The following MAPRE1 variants were observed in gnomAD, a reference collection of about 807,000 sequenced individuals.
The protein encoded by MAPRE1 is microtubule-associated protein RP/EB family member 1.
Under a neutral mutation model 32.1 loss-of-function variants are expected in MAPRE1, and 5 were observed. The observed-to-expected ratio is 0.16, with a 90% CI of 0.08 to 0.33. The LOEUF (loss-of-function observed/expected upper bound fraction) is 0.33, where lower values mean the gene tolerates loss of function less well. Ranked by LOEUF, MAPRE1 falls within the 10% of genes least tolerant of loss-of-function variation. The probability of loss-of-function intolerance (pLI) is 1.00; values close to 1 mark genes in which losing one functional copy is unlikely to be tolerated. For missense variants in MAPRE1, 209 were observed against 327.2 expected, an observed-to-expected ratio of 0.64 and a Z score of 2.79; for synonymous variants, 122 against 118.9, an observed-to-expected ratio of 1.03 and a Z score of -0.17.
rs1236720596 is a variant in MAPRE1, at chr20:32,841,437, T to C, written c.597+1581T>C. 2.6e-5 allele frequency among the ~76,000 whole-genome samples: 4 copies of C among 151,918 alleles called. No homozygotes were observed. In the East Asian group the frequency reaches 7.7e-4, roughly 29 times the overall value. Reference sequence around the variant, plus strand: ...AGCGTGCCAGGTTCTGCAGTGTGGCTGCTCTCTGCTCAGCTCTTTTTTTTT... The same window carrying C: ...AGCGTGCCAGGTTCTGCAGTGTGGCCGCTCTCTGCTCAGCTCTTTTTTTTT... On this transcript the variant is annotated intron_variant, in intron 5 of 6. Transcript: ENST00000375571.
chr20:32,827,760 G>C (rs930083701), intron 2 of MAPRE1, among the ~76,000 whole-genome samples: 1 of 151,758 alleles, frequency 6.6e-6, no homozygotes, highest in Non-Finnish European at 1.5e-5. Flanking sequence ...GCCAGGCTTG[G>C]TGGCACGCAC....
chr20:32,845,664 A>G (rs950464153), intron 5 of MAPRE1, among the ~76,000 whole-genome samples: 3 of 152,096 alleles, frequency 2.0e-5, no homozygotes, highest in Non-Finnish European at 4.4e-5. Context: ...TTTATTTTTT[A>G]AAAAGATGGA....
At chr20:32,838,545 A>G (rs1983263958) in intron 4 of MAPRE1, among the ~76,000 whole-genome samples, 1 of 152,328 alleles carries the variant, frequency 6.6e-6, no homozygotes, top group East Asian at 1.9e-4. Context: ...TTGCTGTGCC[A>G]TGTGTTAACT....
chr20:32,828,948 T>G (rs1008007939), intron 2 of MAPRE1, among the ~76,000 whole-genome samples: 2 of 152,170 alleles, frequency 1.3e-5, no homozygotes, highest in African/African-American at 4.8e-5. Flanking sequence ...TGTTTTTTTT[T>G]TCTTTTTGAG....
At chr20:32,823,568 T>C (rs1012647892) in intron 1 of MAPRE1, among the ~76,000 whole-genome samples, 4 of 152,212 alleles carry the variant, frequency 2.6e-5, no homozygotes, top group Non-Finnish European at 5.9e-5. Flanking sequence ...TAGTAGTCAA[T>C]GTGATCTTTT....
intron 4 of MAPRE1, among the ~76,000 whole-genome samples, chr20:32,839,438 C>G (rs1983292526): frequency 6.6e-6 from 1 of 152,140 alleles, no homozygotes; most frequent in Non-Finnish European, 1.5e-5. Flanking sequence ...ATGACTGTAC[C>G]CCTTTCAGAT....
At chr20:32,825,186 A>G (rs1033309386) in intron 1 of MAPRE1, among the ~76,000 whole-genome samples, 2 of 146,064 alleles carry the variant, frequency 1.4e-5, no homozygotes, top group East Asian at 4.1e-4. Flanking sequence ...AACAAACAAA[A>G]AACCATTATC....
At chr20:32,822,612 AT>A (rs1170857720) in intron 1 of MAPRE1, among the ~76,000 whole-genome samples, 2 of 152,178 alleles carry the variant, frequency 1.3e-5, no homozygotes, top group Non-Finnish European at 2.9e-5. Context: ...TATGTACCTT[AT>A]CTAATTTAAA....
chr20:32,842,296 A>C (rs1274910863), intron 5 of MAPRE1, among the ~76,000 whole-genome samples: 1 of 152,164 alleles, frequency 6.6e-6, no homozygotes, highest in Non-Finnish European at 1.5e-5. Flanking sequence ...CGTGTTAGCC[A>C]GGATGGTCTC....
At chr20:32,845,943 A>C (rs150801986) in intron 5 of MAPRE1, among the ~76,000 whole-genome samples, 1 of 152,166 alleles carries the variant, frequency 6.6e-6, no homozygotes. Flanking sequence ...CTGTAAATAC[A>C]GGTTTTTGCA....
At chr20:32,835,508 A>T (rs1386363272) in intron 3 of MAPRE1, among the ~76,000 whole-genome samples, 1 of 152,082 alleles carries the variant, frequency 6.6e-6, no homozygotes, top group Non-Finnish European at 1.5e-5. Context: ...ATTTGGAATT[A>T]CTTGGAAAAC....
intron 1 of MAPRE1, among the ~76,000 whole-genome samples, chr20:32,820,757 C>G (rs1319442469): frequency 6.6e-6 from 1 of 152,154 alleles, no homozygotes; most frequent in South Asian, 2.1e-4. Flanking sequence ...AGTGCTAGTT[C>G]AGTCCCTACT....
At chr20:32,844,989 CTGTATGTATGTATGTATGTATGTA>C (rs35343459) in intron 5 of MAPRE1, among the ~76,000 whole-genome samples, 8,815 of 150,394 alleles carry the variant, frequency 0.059, 531 homozygotes, top group African/African-American at 0.16. Flanking sequence ...AGTAGCTGTA[CTGTATGTATGTATGTATGTATGTA>C]TGTATGTATG....
chr20:32,820,634 C>T (rs1982670603), intron 1 of MAPRE1, among the ~76,000 whole-genome samples: 1 of 152,206 alleles, frequency 6.6e-6, no homozygotes, highest in Admixed American at 6.5e-5. Context: ...TGAATGCCCA[C>T]TAGGTGTTGG....
At chr20:32,846,553 G>A (rs762169044) in intron 5 of MAPRE1, 65 bp from the exon 6 acceptor site, 128 of 1,504,392 alleles carry the variant, frequency 8.5e-5, no homozygotes, top group Non-Finnish European at 1.1e-4. Flanking sequence ...TGGGTTAGAA[G>A]TCTGCCTGAT....
chr20:32,820,757 C>T (rs1319442469), intron 1 of MAPRE1, among the ~76,000 whole-genome samples: 1 of 152,154 alleles, frequency 6.6e-6, no homozygotes, highest in African/African-American at 2.4e-5. Context: ...AGTGCTAGTT[C>T]AGTCCCTACT....
chr20:32,828,906 G>T (rs541968780), intron 2 of MAPRE1, among the ~76,000 whole-genome samples: 45 of 152,016 alleles, frequency 3.0e-4, no homozygotes, highest in Admixed American at 2.6e-3. Context: ...TAGTGATACT[G>T]TTTCACTATA....
chr20:32,819,892 C>T (rs1203182959), upstream of MAPRE1: 5 of 150,966 alleles, frequency 3.3e-5, no homozygotes, highest in African/African-American at 9.7e-5. Context: ...GGATGGCGAG[C>T]CTTTACGTCG....
At chr20:32,821,576 G>A (rs974211925) in intron 1 of MAPRE1, among the ~76,000 whole-genome samples, 1 of 152,204 alleles carries the variant, frequency 6.6e-6, no homozygotes, top group Non-Finnish European at 1.5e-5. Context: ...GTGTTTTCAT[G>A]TAGATTTTTG....
Sources: gnomAD v4.1 joint callset for allele counts (sites outside exome capture counted in the v4.1 genomes callset) on GRCh38, gnomAD v4.1.1 for gene constraint, MANE v1.5 for transcripts, NCBI Gene and HGNC (gene_info 2026-07-23, HGNC 2026-07-21) for gene names.